RBMS3: variants seen among roughly 807,000 people sequenced by gnomAD.
RBMS3 encodes RNA-binding motif, single-stranded-interacting protein 3.
RBMS3 carries 27 observed loss-of-function variants against 66.8 expected under a neutral mutation model. The observed-to-expected ratio is 0.40, with a 90% confidence interval of 0.30 to 0.56. The LOEUF (loss-of-function observed/expected upper bound fraction) is 0.56, where lower values mean the gene tolerates loss of function less well. Ranked by LOEUF, RBMS3 falls within the 20% of genes least tolerant of loss-of-function variation. The pLI is 0.40. For synonymous variants in RBMS3, 188 were observed against 183.0 expected (o/e 1.03, Z -0.22); for missense variants, 513 against 549.5 (o/e 0.93, Z 0.66).
At chr3:29,438,026 G>A (rs1424237911) in intron 2 of RBMS3, among the ~76,000 whole-genome samples, 6 of 113,106 alleles carry the variant, frequency 5.3e-5, no homozygotes, top group Non-Finnish European at 1.7e-5. Flanking sequence ...AACCTTGCTT[G>A]TTTCTCTCTC....
chr3:29,653,342 C>T (rs1337474546), intron 4 of RBMS3, among the ~76,000 whole-genome samples: 1 of 152,026 alleles, frequency 6.6e-6, no homozygotes, highest in Non-Finnish European at 1.5e-5. Context: ...ACCCTCACAC[C>T]TGGAAAGAGT....
chr3:29,521,089 T>C (rs1402359089), intron 3 of RBMS3, among the ~76,000 whole-genome samples: 2 of 152,088 alleles, frequency 1.3e-5, no homozygotes, highest in Non-Finnish European at 2.9e-5. Flanking sequence ...TGCCTTATTA[T>C]TTTTTTCCAT....
chr3:29,303,343 G>A (rs1460822305), intron 1 of RBMS3, among the ~76,000 whole-genome samples: 1 of 152,034 alleles, frequency 6.6e-6, no homozygotes, highest in African/African-American at 2.4e-5. Flanking sequence ...ATTTCACAGT[G>A]TTGTGAGGTG....
chr3:29,450,933 C>CACACACACA (rs1559371669), intron 2 of RBMS3, among the ~76,000 whole-genome samples: 3 of 104,292 alleles, frequency 2.9e-5, no homozygotes, highest in African/African-American at 7.0e-5. Context: ...ACACACACAC[C>CACACACACA]CCCCACACAC....
intron 12 of RBMS3, among the ~76,000 whole-genome samples, chr3:29,974,755 T>C (rs1327764205): frequency 1.3e-5 from 2 of 149,314 alleles, no homozygotes; most frequent in Non-Finnish European, 3.0e-5. Flanking sequence ...TCCATATTTA[T>C]AGAGCACTTT....
Position 29,378,911 on chromosome 3 carries a change from A to G in RBMS3, c.76-55832A>G, listed in dbSNP as rs185081496. ...TTAATTTATTTTCCAAATAAGCTCA[A>G]TGGTATTTGGGAGACTATCTCTCAT... On this transcript the variant is annotated intron_variant, in intron 1 of 14. Coordinates refer to ENST00000383767, the MANE Select transcript of RBMS3 (RefSeq NM_001003793.3). Among the ~76,000 whole-genome samples the G allele has an allele frequency of 1.2e-3, 180 of 152,330 alleles. 1 individual carries two copies. Among genetic ancestry groups the G allele is most frequent in the African/African-American group, 3.7e-3 (155 of 41,578 alleles).
intron 6 of RBMS3, among the ~76,000 whole-genome samples, chr3:29,784,223 A>C (rs2056740984): frequency 6.6e-6 from 1 of 152,118 alleles, no homozygotes; most frequent in Admixed American, 6.5e-5. Flanking sequence ...AGAACATTCT[A>C]CCGAACAACT....
At chr3:29,652,469 C>G (rs943332539) in intron 4 of RBMS3, among the ~76,000 whole-genome samples, 3 of 152,066 alleles carry the variant, frequency 2.0e-5, no homozygotes, top group African/African-American at 7.2e-5. Flanking sequence ...CCTACATTTA[C>G]CCATTTAATA....
intron 3 of RBMS3, among the ~76,000 whole-genome samples, chr3:29,512,055 T>C (rs2044434236): frequency 6.6e-6 from 1 of 152,140 alleles, no homozygotes; most frequent in African/African-American, 2.4e-5. Flanking sequence ...TAGGTGTTTC[T>C]GACACATTTA....
At chr3:29,363,005 C>T (rs79230928) in intron 1 of RBMS3, among the ~76,000 whole-genome samples, 2,358 of 152,104 alleles carry the variant, frequency 0.016, 73 homozygotes, top group African/African-American at 0.054. Flanking sequence ...GAAATTTTGC[C>T]CCTCTCATCT....
chr3:29,773,916 C>G (rs2056323054), intron 6 of RBMS3, among the ~76,000 whole-genome samples: 1 of 152,038 alleles, frequency 6.6e-6, no homozygotes, highest in Non-Finnish European at 1.5e-5. Context: ...ACACCACATC[C>G]TTGCTTGACT....
chr3:29,346,648 C>G (rs538610654), intron 1 of RBMS3, among the ~76,000 whole-genome samples: 1 of 152,158 alleles, frequency 6.6e-6, no homozygotes, highest in East Asian at 1.9e-4. Context: ...AGGTGATCCA[C>G]TCACCTTGGC....
At chr3:29,484,431 G>C (rs2043247683) in intron 2 of RBMS3, among the ~76,000 whole-genome samples, 2 of 152,092 alleles carry the variant, frequency 1.3e-5, no homozygotes, top group Non-Finnish European at 2.9e-5. Context: ...TTTTGTGCCT[G>C]TCTCTGCTTA....
At chr3:29,737,686 C>T (rs2054442599) in intron 4 of RBMS3, among the ~76,000 whole-genome samples, 4 of 150,884 alleles carry the variant, frequency 2.7e-5, no homozygotes, top group South Asian at 4.2e-4. Flanking sequence ...GAAATGTCCC[C>T]TTTTTTTTTA....
At chr3:29,739,540 G>A (rs1014268561) in intron 4 of RBMS3, among the ~76,000 whole-genome samples, 180 bp from the exon 5 acceptor site, 2 of 150,818 alleles carry the variant, frequency 1.3e-5, no homozygotes, top group African/African-American at 4.9e-5. Context: ...TGATCATTTT[G>A]TCTATGATAA....
chr3:29,670,178 T>A (rs1173363668), intron 4 of RBMS3, among the ~76,000 whole-genome samples: 2 of 152,168 alleles, frequency 1.3e-5, no homozygotes, highest in Non-Finnish European at 2.9e-5. Context: ...ATGGGTTAAA[T>A]GGCGTTCTCC....
intron 1 of RBMS3, among the ~76,000 whole-genome samples, chr3:29,333,712 G>T (rs994427108): frequency 6.6e-6 from 1 of 152,132 alleles, no homozygotes; most frequent in Non-Finnish European, 1.5e-5. Flanking sequence ...TTGCAGCAGT[G>T]CAATGAAGCC....
intron 1 of RBMS3, among the ~76,000 whole-genome samples, chr3:29,429,645 G>C (rs996563404): frequency 6.6e-6 from 1 of 152,156 alleles, no homozygotes; most frequent in African/African-American, 2.4e-5. Flanking sequence ...ATAGCACAGT[G>C]TTACAGTGTT....
At chr3:29,476,532 C>T (rs971122984) in intron 2 of RBMS3, among the ~76,000 whole-genome samples, 5 of 152,164 alleles carry the variant, frequency 3.3e-5, no homozygotes, top group African/African-American at 1.2e-4. Context: ...TAGTATAGTT[C>T]CACAAGGATT....
Sources: gnomAD v4.1 joint callset for allele counts (sites outside exome capture counted in the v4.1 genomes callset) on GRCh38, gnomAD v4.1.1 for gene constraint, MANE v1.5 for transcripts, NCBI Gene and HGNC (gene_info 2026-07-23, HGNC 2026-07-21) for gene names.